MCU: variants seen among roughly 807,000 people sequenced by gnomAD.
MCU encodes mitochondrial calcium uniporter.
MCU carries 12 observed loss-of-function variants against 45.2 expected under a neutral mutation model. The observed-to-expected ratio is 0.27, with a 90% CI of 0.17 to 0.43. The LOEUF is 0.43. MCU is among the 20% of genes least tolerant of loss of function. MCU has a pLI of 1.00. For synonymous variants in MCU, 160 were observed against 165.1 expected (o/e 0.97, Z 0.24); for missense variants, 324 against 436.7 (o/e 0.74, Z 2.30).
At chr10:72,745,532 A>G (rs967547615) in intron 1 of MCU, among the ~76,000 whole-genome samples, 4 of 152,158 alleles carry the variant, frequency 2.6e-5, no homozygotes, top group African/African-American at 9.7e-5. Flanking sequence ...CCCGGCCACT[A>G]TTTGGTATTT....
chr10:72,780,433 T>A (rs1443512360), intron 1 of MCU, among the ~76,000 whole-genome samples: 5 of 151,738 alleles, frequency 3.3e-5, no homozygotes, highest in Non-Finnish European at 7.4e-5. Flanking sequence ...AAGGATTTTT[T>A]AAAAAATAGC....
chr10:72,872,796 A>G (rs1845563416), intron 6 of MCU, among the ~76,000 whole-genome samples: 1 of 152,074 alleles, frequency 6.6e-6, no homozygotes, highest in African/African-American at 2.4e-5. Context: ...TGGGATTGCC[A>G]GATTGATTGT....
At chr10:72,829,610 G>A (rs1429233705) in intron 1 of MCU, among the ~76,000 whole-genome samples, 2 of 106,928 alleles carry the variant, frequency 1.9e-5, no homozygotes, top group African/African-American at 5.2e-5. Flanking sequence ...GGAAAGTAAA[G>A]GGTAAAAAAA....
intron 2 of MCU, among the ~76,000 whole-genome samples, chr10:72,852,771 C>T (rs749272339): frequency 3.9e-5 from 6 of 152,186 alleles, no homozygotes; most frequent in Non-Finnish European, 7.4e-5. Context: ...AGAGGAGTCT[C>T]GGAAATCTGC....
intron 1 of MCU, among the ~76,000 whole-genome samples, chr10:72,719,816 T>G (rs1842998203): frequency 6.6e-6 from 1 of 152,226 alleles, no homozygotes; most frequent in South Asian, 2.1e-4. Context: ...AGTCACCCTG[T>G]TGTGCTATAC....
intron 1 of MCU, among the ~76,000 whole-genome samples, chr10:72,808,106 AT>A (rs1278529739): frequency 6.6e-6 from 1 of 152,226 alleles, no homozygotes; most frequent in Non-Finnish European, 1.5e-5. Context: ...ACATTTTACA[AT>A]GCCATATTAT....
At chr10:72,695,949 G>A (rs1842681140) in intron 1 of MCU, among the ~76,000 whole-genome samples, 2 of 151,196 alleles carry the variant, frequency 1.3e-5, no homozygotes, top group South Asian at 4.2e-4. Flanking sequence ...AGATCAGGGG[G>A]TCAGGAGTTG....
chr10:72,870,122 A>G (rs1589506101), intron 5 of MCU, among the ~76,000 whole-genome samples: 1 of 152,082 alleles, frequency 6.6e-6, no homozygotes, highest in Admixed American at 6.6e-5. Flanking sequence ...ATTTTTTTCT[A>G]TGATATTTCA....
chr10:72,805,769 TTCCTGCTTTCA>T (rs1480213214), intron 1 of MCU, among the ~76,000 whole-genome samples: 21 of 152,326 alleles, frequency 1.4e-4, no homozygotes, highest in Non-Finnish European at 2.6e-4. Flanking sequence ...GTACAGGCAC[TTCCTGCTTTCA>T]TAGAGCAACA....
chr10:72,753,808 G>A (rs183482466), intron 1 of MCU, among the ~76,000 whole-genome samples: 34 of 152,202 alleles, frequency 2.2e-4, no homozygotes, highest in African/African-American at 8.2e-4. Flanking sequence ...GAGCCTGGGA[G>A]ATTGAGATTG....
intron 2 of MCU, among the ~76,000 whole-genome samples, chr10:72,852,649 C>CA (rs1467872544): frequency 2.6e-5 from 4 of 152,120 alleles, no homozygotes; most frequent in Non-Finnish European, 5.9e-5. Context: ...AGAGGGGAAA[C>CA]AGAGCTTGGC....
intron 2 of MCU, among the ~76,000 whole-genome samples, chr10:72,847,458 A>G (rs1845140200): frequency 6.6e-6 from 1 of 152,206 alleles, no homozygotes; most frequent in African/African-American, 2.4e-5. Context: ...CATAGCCCCC[A>G]GTCAAAAGCC....
chr10:72,722,650 G>T lies in MCU; in HGVS notation c.150+30349G>T, dbSNP rs559049417. Among the ~76,000 whole-genome samples the T allele has an allele frequency of 2.4e-3, 370 of 151,730 alleles. 1 individual carries two copies. The highest frequency in any genetic ancestry group is 8.4e-3 in the African/African-American group (347 of 41,446). ...GGGGTAACTTTGACAACCCATTTTTGGGGGGAGTTTGATTTATAAGTCAAA... is the reference window on the plus strand; with the variant it reads ...GGGGTAACTTTGACAACCCATTTTTTGGGGGAGTTTGATTTATAAGTCAAA... On this transcript the variant is annotated intron_variant, in intron 1 of 7. Coordinates refer to ENST00000373053, the MANE Select transcript of MCU (RefSeq NM_138357.3).
intron 1 of MCU, among the ~76,000 whole-genome samples, chr10:72,706,029 T>G (rs886443216): frequency 6.6e-6 from 1 of 152,152 alleles, no homozygotes; most frequent in African/African-American, 2.4e-5. Context: ...TATTGTATTC[T>G]CTGAAGCTTT....
intron 2 of MCU, among the ~76,000 whole-genome samples, 196 bp from the exon 3 acceptor site, chr10:72,858,981 A>G (rs767250637): frequency 1.3e-5 from 2 of 152,208 alleles, no homozygotes; most frequent in African/African-American, 2.4e-5. Flanking sequence ...AAAATGAGCT[A>G]TGTGATCCAT....
At chr10:72,800,434 A>G (rs181033947) in intron 1 of MCU, among the ~76,000 whole-genome samples, 1 of 152,342 alleles carries the variant, frequency 6.6e-6, no homozygotes, top group African/African-American at 2.4e-5. Context: ...TCAAAATCCA[A>G]AGAATTTTGA....
chr10:72,785,885 TA>T (rs1399919809), intron 1 of MCU, among the ~76,000 whole-genome samples: 1 of 152,168 alleles, frequency 6.6e-6, no homozygotes, highest in Non-Finnish European at 1.5e-5. Context: ...CAGCAACTCT[TA>T]ATAGGTGTTT....
At chr10:72,763,713 A>G (rs1167563353) in intron 1 of MCU, among the ~76,000 whole-genome samples, 1 of 152,122 alleles carries the variant, frequency 6.6e-6, no homozygotes, top group Non-Finnish European at 1.5e-5. Flanking sequence ...CTTTAGGTAG[A>G]TCATATTCAG....
intron 1 of MCU, among the ~76,000 whole-genome samples, chr10:72,741,965 T>G (rs1843338948): frequency 1.4e-5 from 2 of 142,578 alleles, no homozygotes; most frequent in African/African-American, 5.2e-5. Context: ...GAGGCGGAGC[T>G]TGTAGTGAGC....
Sources: gnomAD v4.1 joint callset for allele counts (sites outside exome capture counted in the v4.1 genomes callset) on GRCh38, gnomAD v4.1.1 for gene constraint, MANE v1.5 for transcripts, NCBI Gene and HGNC (gene_info 2026-07-23, HGNC 2026-07-21) for gene names.